GRHL2: variants seen among roughly 807,000 people sequenced by gnomAD.
GRHL2 encodes the protein grainyhead-like protein 2 homolog.
A neutral mutation model predicts 83.8 loss-of-function variants in GRHL2; 21 were observed. The observed-to-expected ratio is 0.25, with a 90% CI of 0.18 to 0.36. GRHL2 has a LOEUF of 0.36. Ranked by LOEUF, GRHL2 falls within the 10% of genes least tolerant of loss-of-function variation. GRHL2 has a pLI of 1.00. For synonymous variants in GRHL2, 280 were observed against 278.9 expected (o/e 1.00, Z -0.04); for missense variants, 623 against 781.8 (o/e 0.80, Z 2.42).
At chr8:101,501,705 A>G (rs574596007) in intron 1 of GRHL2, among the ~76,000 whole-genome samples, 105 of 152,126 alleles carry the variant, frequency 6.9e-4, no homozygotes, top group Non-Finnish European at 1.2e-3. Context: ...AAAGAGCCTT[A>G]GGGATCATCC....
intron 3 of GRHL2, 30 bp downstream of exon 3, chr8:101,552,812 A>G: frequency 1.9e-6 from 3 of 1,597,828 alleles, no homozygotes; most frequent in Non-Finnish European, 2.6e-6. Context: ...CCCCAGAATA[A>G]CTCTATGTTT....
intron 6 of GRHL2, among the ~76,000 whole-genome samples, chr8:101,577,001 T>A (rs1477598241): frequency 6.6e-6 from 1 of 152,178 alleles, no homozygotes; most frequent in Non-Finnish European, 1.5e-5. Flanking sequence ...AGATGTTTGC[T>A]TCTTTACAAA....
At chr8:101,607,688 G>A (rs1812659460) in intron 8 of GRHL2, among the ~76,000 whole-genome samples, 1 of 152,208 alleles carries the variant, frequency 6.6e-6, no homozygotes, top group Non-Finnish European at 1.5e-5. Flanking sequence ...ATTGCACACT[G>A]CAAAGCAGGG....
At chr8:101,598,424 G>C (rs771015595) in intron 7 of GRHL2, among the ~76,000 whole-genome samples, 2 of 151,698 alleles carry the variant, frequency 1.3e-5, no homozygotes, top group Admixed American at 1.3e-4. Flanking sequence ...ATTTTTAGTA[G>C]AGACAGGGTT....
At chr8:101,573,928 A>T (rs984355465) in intron 6 of GRHL2, 104 bp downstream of exon 6, 177 of 1,291,308 alleles carry the variant, frequency 1.4e-4, no homozygotes, top group Non-Finnish European at 1.7e-4. Flanking sequence ...AACCTTCAAC[A>T]TAAATAATTC....
chr8:101,498,459 T>A (rs891180381), intron 1 of GRHL2, among the ~76,000 whole-genome samples: 1 of 152,182 alleles, frequency 6.6e-6, no homozygotes, highest in Admixed American at 6.5e-5. Context: ...GAATTCAGAT[T>A]CTATTTTGTA....
intron 1 of GRHL2, among the ~76,000 whole-genome samples, chr8:101,503,874 T>A (rs1810281749): frequency 6.6e-6 from 1 of 152,152 alleles, no homozygotes. Context: ...AAGTTAACAG[T>A]GGTTTTCTCT....
At chr8:101,497,129 G>A (rs1405735184) in intron 1 of GRHL2, among the ~76,000 whole-genome samples, 1 of 152,156 alleles carries the variant, frequency 6.6e-6, no homozygotes. Flanking sequence ...TCCCTACAAT[G>A]GATTAAATCT....
intron 9 of GRHL2, among the ~76,000 whole-genome samples, chr8:101,628,389 A>C (rs1813121280): frequency 6.6e-6 from 1 of 151,970 alleles, no homozygotes; most frequent in Admixed American, 6.6e-5. Flanking sequence ...GCTTCATTTT[A>C]AGCCCACTGT....
rs1370697999 is a variant in GRHL2 at position 101,619,646 on chromosome 8, C to T, written c.1206C>T (p.Ser402=). Residue 402 remains serine, a synonymous_variant, in exon 9 of 16, where the codon AGC becomes AGT. Coordinates refer to ENST00000646743, the MANE Select transcript of GRHL2 (RefSeq NM_024915.4). ...ACACATACAGTTATAACAATCGTAG[C>T]AATAAACCCATTCATAGAGCTTATT... ...QIDTYSYNNR[S]NKPIHRAYCQ... The T allele has an allele frequency of 2.5e-6, 4 of 1,613,090 alleles. No individual in the cohort carries two copies. The highest frequency in any genetic ancestry group is 3.4e-6 in the Non-Finnish European group (4 of 1,179,170).
At chr8:101,582,099 G>A (rs1812065227) in intron 7 of GRHL2, among the ~76,000 whole-genome samples, 1 of 152,068 alleles carries the variant, frequency 6.6e-6, no homozygotes, top group South Asian at 2.1e-4. Flanking sequence ...TTAGCCGGAC[G>A]TGGTGGCGGG....
chr8:101,628,737 C>T (rs1276021941), intron 9 of GRHL2, among the ~76,000 whole-genome samples: 1 of 152,008 alleles, frequency 6.6e-6, no homozygotes, highest in Non-Finnish European at 1.5e-5. Context: ...TTAAAATTAA[C>T]AGGAGTTTGG....
chr8:101,679,720 T>G, the GRHL2 span, among the ~76,000 whole-genome samples: 2 of 151,346 alleles, frequency 1.3e-5, no homozygotes, highest in East Asian at 1.9e-4. Flanking sequence ...GACTAACAGC[T>G]GATCTCTCGG....
At chr8:101,560,272 G>A (rs372101064) in intron 4 of GRHL2, among the ~76,000 whole-genome samples, 147 of 152,204 alleles carry the variant, frequency 9.7e-4, no homozygotes, top group South Asian at 3.9e-3. Context: ...CAGGTGATCC[G>A]CCTGCTTCGG....
intron 9 of GRHL2, among the ~76,000 whole-genome samples, chr8:101,625,064 A>G (rs142426926): frequency 3.3e-4 from 50 of 152,284 alleles, no homozygotes; most frequent in African/African-American, 1.2e-3. Context: ...CAAATGATGT[A>G]TAACAGATAA....
At chr8:101,500,301 A>G (rs570681927) in intron 1 of GRHL2, among the ~76,000 whole-genome samples, 14 of 152,210 alleles carry the variant, frequency 9.2e-5, no homozygotes, top group Non-Finnish European at 1.8e-4. Context: ...AGTCCCTCAG[A>G]TAGCTTCACT....
intron 4 of GRHL2, 51 bp downstream of exon 4, chr8:101,558,863 C>A: frequency 6.3e-7 from 1 of 1,588,568 alleles, no homozygotes; most frequent in East Asian, 2.3e-5. Flanking sequence ...GAGCCCCTAG[C>A]TAATTTTTTT....
intron 1 of GRHL2, among the ~76,000 whole-genome samples, chr8:101,509,124 T>G (rs912256121): frequency 1.5e-5 from 1 of 65,256 alleles, no homozygotes; most frequent in Non-Finnish European, 4.3e-5. Flanking sequence ...CTTCCTTCCT[T>G]CCTTCCTTCC....
intron 12 of GRHL2, among the ~76,000 whole-genome samples, chr8:101,637,636 T>C (rs979574141): frequency 2.0e-5 from 3 of 152,230 alleles, no homozygotes; most frequent in Admixed American, 2.0e-4. Context: ...TCGTAGATCA[T>C]GGTAATAGCT....
Sources: allele counts gnomAD v4.1 joint callset (sites outside exome capture counted in the v4.1 genomes callset), GRCh38; gene constraint gnomAD v4.1.1; transcripts MANE v1.5; gene names NCBI Gene and HGNC (gene_info 2026-07-23, HGNC 2026-07-21).